TIAM1: variants seen among roughly 807,000 people sequenced by gnomAD.
TIAM1 encodes rho guanine nucleotide exchange factor TIAM1.
In TIAM1, 65 loss-of-function variants were observed where a neutral mutation model predicts 163.5. The observed-to-expected ratio is 0.40, with a 90% CI of 0.33 to 0.49. The LOEUF is 0.49. TIAM1 is among the 20% of genes least tolerant of loss of function. The pLI, the probability that TIAM1 is intolerant of heterozygous loss-of-function variation, is 0.77. For synonymous variants in TIAM1, 833 were observed against 810.1 expected (o/e 1.03, Z -0.48); for missense variants, 1,789 against 2,044.7 (o/e 0.87, Z 2.41).
chr21:31,477,632 G>A (rs933079356), intron 1 of TIAM1, among the ~76,000 whole-genome samples: 3 of 151,874 alleles, frequency 2.0e-5, no homozygotes, highest in African/African-American at 4.8e-5. Context: ...ACGCCACCAC[G>A]CCCAGCTGAT....
intron 2 of TIAM1, among the ~76,000 whole-genome samples, chr21:31,282,426 ATTC>A (rs1419136250): frequency 6.6e-6 from 1 of 152,204 alleles, no homozygotes; most frequent in Non-Finnish European, 1.5e-5. Context: ...CTTCCAGGAA[ATTC>A]TTCTTGAGCA....
intron 2 of TIAM1, among the ~76,000 whole-genome samples, chr21:31,368,348 CA>C (rs1405989588): frequency 6.6e-6 from 1 of 151,912 alleles, no homozygotes; most frequent in Non-Finnish European, 1.5e-5. Flanking sequence ...AACCTTTTCT[CA>C]AACTCCAGGT....
At chr21:31,511,656 C>A (rs1043442247) in intron 1 of TIAM1, among the ~76,000 whole-genome samples, 7 of 152,202 alleles carry the variant, frequency 4.6e-5, no homozygotes, top group African/African-American at 1.7e-4. Flanking sequence ...ATGCTTCTCT[C>A]AGTTGTATGT....
chr21:31,354,719 T>C (rs917237185), intron 2 of TIAM1, among the ~76,000 whole-genome samples: 2 of 152,098 alleles, frequency 1.3e-5, no homozygotes, highest in Non-Finnish European at 2.9e-5. Flanking sequence ...TTACTACCGG[T>C]GTGGAGGAGG....
At chr21:31,137,230 A>G (rs2082655184) in intron 22 of TIAM1, among the ~76,000 whole-genome samples, 1 of 152,252 alleles carries the variant, frequency 6.6e-6, no homozygotes, top group African/African-American at 2.4e-5. Context: ...TTCTCGAGCC[A>G]CCAAAACAGG....
rs925269094 is a variant in TIAM1 at position 31,501,245 on chromosome 21, C to T, written c.-421-37210G>A. On this transcript the variant is annotated intron_variant, in intron 1 of 28. Transcript: ENST00000286827. ...ACTGCAGAGGCTGGTTCACACCCCACGTACATTGCACCCTCCAGGAGCCCC... is the reference window on the plus strand; with the variant it reads ...ACTGCAGAGGCTGGTTCACACCCCATGTACATTGCACCCTCCAGGAGCCCC... Among the ~76,000 whole-genome samples the T allele has an allele frequency of 2.8e-4, 42 of 152,224 alleles. 1 individual carries two copies. The highest frequency in any genetic ancestry group is 3.9e-4 in the East Asian group (2 of 5,164).
chr21:31,165,565 T>A (rs1244124820), intron 15 of TIAM1, among the ~76,000 whole-genome samples: 1 of 152,192 alleles, frequency 6.6e-6, no homozygotes, highest in South Asian at 2.1e-4. Context: ...AGTACCCAGA[T>A]GATGGGGCTT....
chr21:31,368,611 C>T (rs977296799), intron 2 of TIAM1, among the ~76,000 whole-genome samples: 3 of 152,142 alleles, frequency 2.0e-5, no homozygotes, highest in Non-Finnish European at 2.9e-5. Context: ...CAAATAGATG[C>T]GTGAACAGAT....
At chr21:31,221,329 T>A (rs2087544235) in intron 8 of TIAM1, among the ~76,000 whole-genome samples, 1 of 152,208 alleles carries the variant, frequency 6.6e-6, no homozygotes, top group Non-Finnish European at 1.5e-5. Context: ...CTTGTATCAC[T>A]GACAAAGCGA....
At chr21:31,463,881 G>C (rs916747038) in intron 2 of TIAM1, 3 of 150,660 alleles carry the variant, frequency 2.0e-5, no homozygotes, top group Non-Finnish European at 2.9e-5. Context: ...CTAGATAATA[G>C]ACAAATAAGT....
chr21:31,220,669 T>C (rs1282702892), intron 8 of TIAM1, among the ~76,000 whole-genome samples: 4 of 152,226 alleles, frequency 2.6e-5, no homozygotes, highest in African/African-American at 4.8e-5. Flanking sequence ...TAATTCTAAA[T>C]TGCTTGGGGC....
At chr21:31,377,033 CTTTTTTTTTTTTTTT>C (rs35487868) in intron 2 of TIAM1, among the ~76,000 whole-genome samples, 1 of 80,920 alleles carries the variant, frequency 1.2e-5, no homozygotes, top group Non-Finnish European at 2.3e-5. Context: ...TCATTTTTGT[CTTTTTTTTTTTTTTT>C]TTTTTTTTTT....
chr21:31,153,423 G>A (rs917498850), intron 17 of TIAM1, among the ~76,000 whole-genome samples: 8 of 152,160 alleles, frequency 5.3e-5, no homozygotes, highest in Non-Finnish European at 1.2e-4. Flanking sequence ...GTCAAGGAAT[G>A]AGCGTGGCTG....
chr21:31,272,947 A>AT (rs2073128604), intron 3 of TIAM1, among the ~76,000 whole-genome samples: 2 of 152,216 alleles, frequency 1.3e-5, no homozygotes, highest in African/African-American at 4.8e-5. Flanking sequence ...CTTCTGTCTT[A>AT]ATAAACTAGT....
intron 1 of TIAM1, among the ~76,000 whole-genome samples, chr21:31,532,452 T>C (rs1397877419): frequency 6.6e-6 from 1 of 152,218 alleles, no homozygotes; most frequent in Non-Finnish European, 1.5e-5. Context: ...GTTTTATGAC[T>C]ACTCTTACTT....
At chr21:31,339,102 C>T (rs2075942228) in intron 2 of TIAM1, 141 bp downstream of exon 2, 1 of 369,518 alleles carries the variant, frequency 2.7e-6, no homozygotes, top group Non-Finnish European at 4.8e-6. Context: ...GACTCAGCAA[C>T]CCTTTAACCA....
chr21:31,408,051 G>A (rs1166023056), intron 2 of TIAM1, among the ~76,000 whole-genome samples: 1 of 152,170 alleles, frequency 6.6e-6, no homozygotes, highest in Non-Finnish European at 1.5e-5. Context: ...AATTGAAAAG[G>A]CTCCTTGAAA....
intron 1 of TIAM1, among the ~76,000 whole-genome samples, chr21:31,544,963 A>G (rs991305743): frequency 2.0e-5 from 3 of 152,176 alleles, no homozygotes; most frequent in Admixed American, 1.3e-4. Context: ...CAGTAAGCCA[A>G]GATCACGCCA....
chr21:31,275,299 G>A (rs1386721738), intron 3 of TIAM1, among the ~76,000 whole-genome samples: 2 of 151,916 alleles, frequency 1.3e-5, no homozygotes, highest in Non-Finnish European at 2.9e-5. Context: ...TAGTAAATAC[G>A]TAATTCACTT....
Sources: gnomAD v4.1 joint callset for allele counts (sites outside exome capture counted in the v4.1 genomes callset) on GRCh38, gnomAD v4.1.1 for gene constraint, MANE v1.5 for transcripts, NCBI Gene and HGNC (gene_info 2026-07-23, HGNC 2026-07-21) for gene names.